B3GALT1: variants seen among roughly 807,000 people sequenced by gnomAD.
The protein encoded by B3GALT1 is beta-1,3-galactosyltransferase 1, also known as UDP-Gal:betaGlcNAc beta 1,3-galactosyltransferase, polypeptide 1.
In B3GALT1, 10 loss-of-function variants were observed where a neutral mutation model predicts 23.2. The ratio of observed to expected loss-of-function variants is 0.43; its 90% CI spans 0.27 to 0.73. The LOEUF (loss-of-function observed/expected upper bound fraction) is 0.73. B3GALT1 is among the 30% of genes least tolerant of loss of function. The pLI is 0.21. For synonymous variants in B3GALT1, 156 were observed against 141.5 expected (o/e 1.10, Z -0.73); for missense variants, 299 against 405.4 (o/e 0.74, Z 2.25).
At chr2:167,789,052 T>A (rs1478659014) in intron 3 of B3GALT1, among the ~76,000 whole-genome samples, 3 of 152,186 alleles carry the variant, frequency 2.0e-5, no homozygotes, top group Non-Finnish European at 4.4e-5. Flanking sequence ...AACAGCTCCC[T>A]CGATTTCTTT....
chr2:167,383,840 T>G (rs1697880656), intron 1 of B3GALT1, among the ~76,000 whole-genome samples: 2 of 152,232 alleles, frequency 1.3e-5, no homozygotes, highest in Non-Finnish European at 2.9e-5. Flanking sequence ...AAAGTTTTTC[T>G]CAACATTTCC....
chr2:167,368,606 C>T (rs1366773569), intron 1 of B3GALT1, among the ~76,000 whole-genome samples: 2 of 152,092 alleles, frequency 1.3e-5, no homozygotes, highest in Non-Finnish European at 2.9e-5. Flanking sequence ...TGTAGTTTTG[C>T]GTAGGTCTGG....
chr2:167,521,609 A>C (rs1409008302), intron 2 of B3GALT1, among the ~76,000 whole-genome samples: 1 of 152,058 alleles, frequency 6.6e-6, no homozygotes, highest in Non-Finnish European at 1.5e-5. Context: ...TTACTTTAAA[A>C]TGTTTGAATG....
chr2:167,738,019 G>A (rs550963623), intron 3 of B3GALT1, among the ~76,000 whole-genome samples: 1 of 152,310 alleles, frequency 6.6e-6, no homozygotes, highest in African/African-American at 2.4e-5. Flanking sequence ...ATCTGCTGAA[G>A]TTCCTCAGAG....
chr2:167,372,855 C>A (rs1298815248), intron 1 of B3GALT1, among the ~76,000 whole-genome samples: 1 of 152,034 alleles, frequency 6.6e-6, no homozygotes, highest in African/African-American at 2.4e-5. Context: ...TATATCATGT[C>A]TGTGGATTAG....
chr2:167,542,030 C>A (rs796535213), intron 2 of B3GALT1, among the ~76,000 whole-genome samples: 1 of 152,030 alleles, frequency 6.6e-6, no homozygotes, highest in Non-Finnish European at 1.5e-5. Flanking sequence ...ACATTAAATT[C>A]TTTTTTAAGT....
chr2:167,760,691 C>G (rs1687886348), intron 3 of B3GALT1, among the ~76,000 whole-genome samples: 1 of 152,198 alleles, frequency 6.6e-6, no homozygotes, highest in African/African-American at 2.4e-5. Flanking sequence ...TTACCTTACA[C>G]ATTTCTTAAG....
intron 3 of B3GALT1, among the ~76,000 whole-genome samples, chr2:167,769,032 C>T (rs1468088263): frequency 6.6e-6 from 1 of 152,068 alleles, no homozygotes; most frequent in African/African-American, 2.4e-5. Context: ...AAAGGACTAA[C>T]ATAAGAAATT....
chr2:167,599,479 A>C (rs999629225), intron 2 of B3GALT1, among the ~76,000 whole-genome samples: 1 of 152,200 alleles, frequency 6.6e-6, no homozygotes, highest in Non-Finnish European at 1.5e-5. Flanking sequence ...CCTAGTTACA[A>C]GCTCTGTTAT....
chr2:167,380,792 C>G (rs1007499027), intron 1 of B3GALT1, among the ~76,000 whole-genome samples: 18 of 152,270 alleles, frequency 1.2e-4, no homozygotes, highest in Middle Eastern at 3.4e-3. Context: ...GAGGGAGGCT[C>G]TCTGCCTCTC....
chr2:167,342,311 G>A (rs1019448359), intron 1 of B3GALT1, among the ~76,000 whole-genome samples: 5 of 152,160 alleles, frequency 3.3e-5, no homozygotes, highest in African/African-American at 4.8e-5. Context: ...ACTCAGACTG[G>A]ATGCAGTGGC....
intron 3 of B3GALT1, among the ~76,000 whole-genome samples, chr2:167,691,547 GAA>G (rs1264657618): frequency 6.6e-6 from 1 of 152,124 alleles, no homozygotes; most frequent in African/African-American, 2.4e-5. Flanking sequence ...CACCATGAAT[GAA>G]AAGTTTTGAC....
chr2:167,518,327 C>T (rs1700134525), intron 2 of B3GALT1, among the ~76,000 whole-genome samples: 2 of 152,090 alleles, frequency 1.3e-5, no homozygotes, highest in African/African-American at 4.8e-5. Context: ...ATTCAAACTA[C>T]TCATTTTATT....
intron 2 of B3GALT1, among the ~76,000 whole-genome samples, chr2:167,571,039 A>G (rs1250982298): frequency 6.6e-6 from 1 of 152,014 alleles, no homozygotes; most frequent in South Asian, 2.1e-4. Context: ...GTTAAGTTAC[A>G]TAATTCTCAT....
At chr2:167,568,372 C>G (rs1427270454) in intron 2 of B3GALT1, among the ~76,000 whole-genome samples, 1 of 152,038 alleles carries the variant, frequency 6.6e-6, no homozygotes, top group Non-Finnish European at 1.5e-5. Flanking sequence ...AATGAGAGTT[C>G]TTATTGCTCC....
intron 1 of B3GALT1, among the ~76,000 whole-genome samples, chr2:167,473,615 C>A (rs1284727982): frequency 6.6e-6 from 1 of 152,050 alleles, no homozygotes; most frequent in Non-Finnish European, 1.5e-5. Context: ...TTCTTAGTTT[C>A]TTTCTCTCCA....
chr2:167,510,123 A>G (rs539405055), intron 2 of B3GALT1, among the ~76,000 whole-genome samples: 1 of 152,310 alleles, frequency 6.6e-6, no homozygotes, highest in African/African-American at 2.4e-5. Context: ...AAATTTGCCA[A>G]TAAATTATGG....
intron 4 of B3GALT1, among the ~76,000 whole-genome samples, 184 bp from the exon 5 acceptor site, chr2:167,868,627 C>A (rs922562126): frequency 1.3e-5 from 2 of 152,064 alleles, no homozygotes; most frequent in East Asian, 3.9e-4. Context: ...ACATACACAG[C>A]TTCTATCAAG....
At chr2:167,856,505 C>T (rs1395288075) in intron 4 of B3GALT1, among the ~76,000 whole-genome samples, 1 of 152,048 alleles carries the variant, frequency 6.6e-6, no homozygotes, top group East Asian at 1.9e-4. Flanking sequence ...CTGCAAAAAG[C>T]AGGCTGAGGA....
Sources: gnomAD v4.1 joint callset for allele counts (sites outside exome capture counted in the v4.1 genomes callset) on GRCh38, gnomAD v4.1.1 for gene constraint, MANE v1.5 for transcripts, NCBI Gene and HGNC (gene_info 2026-07-23, HGNC 2026-07-21) for gene names.